PMVK: variants seen among roughly 807,000 people sequenced by gnomAD.
PMVK encodes phosphomevalonate kinase.
In PMVK, 10 loss-of-function variants were observed where a neutral mutation model predicts 19.0. That is an observed-to-expected ratio of 0.53 (90% confidence interval 0.32 to 0.89). The LOEUF is 0.89. PMVK is among the 40% of genes least tolerant of loss of function. PMVK has a pLI of 0.03. For synonymous variants in PMVK, 108 were observed against 101.6 expected (o/e 1.06, Z -0.38); for missense variants, 222 against 251.1 (o/e 0.88, Z 0.78).
intron 3 of PMVK, among the ~76,000 whole-genome samples, chr1:154,928,349 G>A (rs2101967476): frequency 6.6e-6 from 1 of 152,332 alleles, no homozygotes; most frequent in South Asian, 2.1e-4. Context: ...GGCTAAAAAA[G>A]TAGCAGAAAC....
chr1:154,936,707 G>A lies in PMVK; in HGVS notation c.-22C>T. 1 of 1,576,830 alleles carries A rather than the reference G, an allele frequency of 6.3e-7. No homozygotes were observed. The highest frequency in any genetic ancestry group is 8.6e-7 in the Non-Finnish European group (1 of 1,157,994). On this transcript the variant is annotated 5_prime_UTR_variant, in exon 1 of 5. Transcript: ENST00000368467. ...CCATGGGGCCGCCACGCCTCGCGAT[G>A]CCTGAAGCTGACACTTCTCCCTACC...
upstream of PMVK, among the ~76,000 whole-genome samples, chr1:154,940,112 T>C (rs1259565728): frequency 1.3e-5 from 2 of 152,228 alleles, no homozygotes; most frequent in Non-Finnish European, 2.9e-5. Context: ...CCACTATTTC[T>C]GGACTAGTCC....
At chr1:154,935,089 T>C (rs144917585) in intron 1 of PMVK, among the ~76,000 whole-genome samples, 3 of 124,092 alleles carry the variant, frequency 2.4e-5, no homozygotes, top group Non-Finnish European at 5.0e-5. Context: ...AAAAAAAACA[T>C]GAGGCACAGA....
chr1:154,936,131 G>A (rs1163831986), intron 1 of PMVK, among the ~76,000 whole-genome samples: 1 of 152,198 alleles, frequency 6.6e-6, no homozygotes, highest in Non-Finnish European at 1.5e-5. Context: ...CGCCCAGGCT[G>A]GAGTGCAGTG....
chr1:154,929,249 C>G, intron 2 of PMVK, 73 bp from the exon 3 acceptor site: 1 of 1,413,132 alleles, frequency 7.1e-7, no homozygotes, highest in South Asian at 1.2e-5. Flanking sequence ...AGCGGAAGAG[C>G]CATCCCTCAC....
Position 154,924,839 on chromosome 1 carries a change from A to G in PMVK, c.*290T>C, listed in dbSNP as rs1377943363. 5.0e-6 allele frequency: 2 copies of G among 400,878 alleles called. No individual in the cohort carries two copies. Among genetic ancestry groups the G allele is most frequent in the African/African-American group, 4.0e-5 (2 of 49,664 alleles). 24.8% of individuals were successfully genotyped at this position (400,878 alleles called of 1,614,324 possible). On this transcript the variant is annotated 3_prime_UTR_variant, in exon 5 of 5. Transcript: ENST00000368467. ...TCCAGTCAGGATGCAAGGCCACCAC[A>G]GGCTGAGGGGACTGGCACTGGGGAT...
At chr1:154,929,603 C>A (rs1469690168) in intron 2 of PMVK, among the ~76,000 whole-genome samples, 1 of 152,042 alleles carries the variant, frequency 6.6e-6, no homozygotes, top group Non-Finnish European at 1.5e-5. Flanking sequence ...TGCCCCCATC[C>A]CAAATCCCAC....
At chr1:154,933,260 C>A (rs1448945068) in intron 1 of PMVK, among the ~76,000 whole-genome samples, 1 of 151,920 alleles carries the variant, frequency 6.6e-6, no homozygotes, top group African/African-American at 2.4e-5. Flanking sequence ...ACGGTGAAAC[C>A]CTGTCTCTAC....
chr1:154,925,185 G>A lies in PMVK; in HGVS notation c.523C>T (p.Gln175Ter), dbSNP rs1438110700. 6.2e-7 allele frequency: 1 copy of A among 1,613,600 alleles called. No homozygotes were observed. Among genetic ancestry groups the A allele is most frequent in the Non-Finnish European group, 8.5e-7 (1 of 1,179,928 alleles). The change falls in exon 5 of 5, where the codon CAG becomes TAG. Residue 175 changes from glutamine (Q) to a stop codon, truncating the protein, a stop_gained. Transcript: ENST00000368467. LOFTEE classifies it high-confidence loss of function. Reference sequence around the variant, plus strand: ...TTCTCCAACTGCTCCTCCAGGCGCTGTTCAACTCCATGGTTCTCGATGACC... The same window carrying A: ...TTCTCCAACTGCTCCTCCAGGCGCTATTCAACTCCATGGTTCTCGATGACC... ...DWVIENHGVE[Q>*]RLEEQLENLI...
At chr1:154,938,378 G>A (rs1362783988), upstream of PMVK, among the ~76,000 whole-genome samples, 1 of 152,290 alleles carries the variant, frequency 6.6e-6, no homozygotes, top group Admixed American at 6.5e-5. Flanking sequence ...TCACCTGAGG[G>A]CAGGAGTTCG....
the PMVK span, among the ~76,000 whole-genome samples, chr1:154,942,287 C>G: frequency 2.8e-4 from 42 of 152,354 alleles, no homozygotes; most frequent in South Asian, 2.1e-3. Flanking sequence ...ACAAGCTCCC[C>G]GAAGCCCTGC....
At chr1:154,931,329 C>T (rs1487316613) in intron 2 of PMVK, among the ~76,000 whole-genome samples, 7 of 152,204 alleles carry the variant, frequency 4.6e-5, no homozygotes, top group South Asian at 4.1e-4. Context: ...CAAAATGTGG[C>T]GACAAGAGGG....
chr1:154,937,069 T>C, upstream of PMVK: 1 of 201,542 alleles, frequency 5.0e-6, no homozygotes. Context: ...GGGTGACGTC[T>C]GAAATTTCCT....
rs796748779 is a variant in PMVK, at chr1:154,928,470, G to A, written c.312+554C>T. 1.6e-4 allele frequency among the ~76,000 whole-genome samples: 25 copies of A among 152,248 alleles called. 1 individual carries two copies. Among genetic ancestry groups the A allele is most frequent in the African/African-American group, 6.0e-4 (25 of 41,560 alleles). On this transcript the variant is annotated intron_variant, in intron 3 of 4. Transcript: ENST00000368467. Reference sequence around the variant, plus strand: ...AGAAGAGTGACATCACCTGGTTCACGTTTTTAAAAGGTCAGTCTGGGCCGC... The same window carrying A: ...AGAAGAGTGACATCACCTGGTTCACATTTTTAAAAGGTCAGTCTGGGCCGC...
At chr1:154,929,559 A>G (rs1654273602) in intron 2 of PMVK, among the ~76,000 whole-genome samples, 1 of 152,062 alleles carries the variant, frequency 6.6e-6, no homozygotes, top group Admixed American at 6.6e-5. Context: ...GGGAAAAAAA[A>G]TCCTGCACTC....
At position 154,925,223 on chromosome 1, in the gene PMVK, C is replaced by G. The variant is rs1438063183; in HGVS notation, c.485G>C (p.Gly162Ala). Residue 162 changes from glycine to alanine, a missense_variant, in exon 5 of 5, where the codon GGG becomes GCG. Transcript: ENST00000368467. ...AESECGLDNF[G>A]DFDWVIENHG... ...GTTCTCGATGACCCAGTCAAAGTCCCCGAAGTTGTCCAGGCCACATTCTGA... is the reference window on the plus strand; with the variant it reads ...GTTCTCGATGACCCAGTCAAAGTCCGCGAAGTTGTCCAGGCCACATTCTGA... 2 of 1,614,018 alleles carry G rather than the reference C, an allele frequency of 1.2e-6. No individual in the cohort carries two copies. Among genetic ancestry groups the G allele is most frequent in the South Asian group, 1.1e-5 (1 of 91,082 alleles).
In PMVK at chr1:154,932,400, G is replaced by A. The variant is rs1654365879; in HGVS notation, c.111C>T (p.Val37=). 1.9e-6 allele frequency: 3 copies of A among 1,612,044 alleles called. No homozygotes were observed. The highest frequency in any genetic ancestry group is 2.5e-6 in the Non-Finnish European group (3 of 1,178,826). ...GACCAGAGAGCCGGAGGACAGCACA[G>A]ACATCAGCTCCAAGTCTGCAGGACA... ...EALQSRLGAD[V]CAVLRLSGPL... The change falls in exon 2 of 5, where the codon GTC becomes GTT. Residue 37 remains valine, a synonymous_variant. Transcript: ENST00000368467.
chr1:154,932,885 G>A (rs1654380800), intron 1 of PMVK, among the ~76,000 whole-genome samples: 1 of 152,182 alleles, frequency 6.6e-6, no homozygotes, highest in South Asian at 2.1e-4. Flanking sequence ...AGGAGTGCTT[G>A]AGGCCAGGAG....
intron 3 of PMVK, 39 bp downstream of exon 3, chr1:154,928,985 G>T: frequency 6.3e-7 from 1 of 1,592,556 alleles, no homozygotes; most frequent in Non-Finnish European, 8.6e-7. Flanking sequence ...AAGAGCTAGG[G>T]AAACAGGTGT....
Sources: allele counts gnomAD v4.1 joint callset (sites outside exome capture counted in the v4.1 genomes callset), GRCh38; gene constraint gnomAD v4.1.1; transcripts MANE v1.5; gene names NCBI Gene and HGNC (gene_info 2026-07-23, HGNC 2026-07-21).